GSTCD: variants seen among roughly 807,000 people sequenced by gnomAD.
The protein encoded by GSTCD is glutathione S-transferase C-terminal domain-containing protein.
GSTCD carries 44 observed loss-of-function variants against 68.3 expected under a neutral mutation model. The ratio of observed to expected loss-of-function variants is 0.64; its 90% CI spans 0.51 to 0.83. GSTCD has a LOEUF of 0.83. Ranked by LOEUF, GSTCD falls within the 40% of genes least tolerant of loss-of-function variation. The pLI is 0.00. For missense variants in GSTCD, 739 were observed against 735.9 expected (o/e 1.00, Z -0.05); for synonymous variants, 273 against 255.2 (o/e 1.07, Z -0.67).
chr4:105,711,256 AAAGT>A (rs1182958320), intron 1 of GSTCD, among the ~76,000 whole-genome samples: 32 of 148,534 alleles, frequency 2.2e-4, no homozygotes, highest in African/African-American at 8.2e-4. Flanking sequence ...ATCTTTAAGA[AAAGT>A]AAGTGTTTGT....
At chr4:105,722,401 T>C (rs1037692984) in intron 3 of GSTCD, among the ~76,000 whole-genome samples, 3 of 152,064 alleles carry the variant, frequency 2.0e-5, no homozygotes, top group Non-Finnish European at 2.9e-5. Flanking sequence ...CAAGAGCTTT[T>C]AGCTTTAACT....
intron 5 of GSTCD, among the ~76,000 whole-genome samples, chr4:105,767,726 T>C (rs1225981880): frequency 2.6e-5 from 4 of 152,074 alleles, no homozygotes; most frequent in Admixed American, 2.6e-4. Context: ...GTAGCCTGGG[T>C]GGTGGACTAG....
At chr4:105,830,598 G>A (rs555840178) in intron 8 of GSTCD, among the ~76,000 whole-genome samples, 1 of 152,220 alleles carries the variant, frequency 6.6e-6, no homozygotes, top group South Asian at 2.1e-4. Flanking sequence ...TAGGGCAAGA[G>A]CTGGGCAACA....
At chr4:105,727,037 T>G (rs1733061284) in intron 4 of GSTCD, among the ~76,000 whole-genome samples, 1 of 152,002 alleles carries the variant, frequency 6.6e-6, no homozygotes, top group Admixed American at 6.6e-5. Flanking sequence ...TATGTATTTT[T>G]GGAGCCAAGT....
intron 1 of GSTCD, among the ~76,000 whole-genome samples, chr4:105,711,316 A>G (rs1049691287): frequency 2.0e-5 from 3 of 152,238 alleles, no homozygotes; most frequent in African/African-American, 7.2e-5. Flanking sequence ...ATTTTGTACA[A>G]TAGGTTGATA....
intron 5 of GSTCD, among the ~76,000 whole-genome samples, chr4:105,733,331 T>A (rs1733325823): frequency 6.6e-6 from 1 of 152,190 alleles, no homozygotes; most frequent in Non-Finnish European, 1.5e-5. Flanking sequence ...CTAAGTCTCT[T>A]TGTAGGTCTC....
intron 5 of GSTCD, among the ~76,000 whole-genome samples, chr4:105,781,899 A>G (rs1735287641): frequency 1.3e-5 from 2 of 151,184 alleles, no homozygotes; most frequent in African/African-American, 4.9e-5. Context: ...CCATAGTGCT[A>G]TTTTCTAAGG....
chr4:105,825,678 T>G lies in GSTCD; in HGVS notation c.1408T>G (p.Leu470Val). ...TTTTCTGGGTAAAATCTAGGTTACA[T>G]TAATAGAAAACAAGGAATTATCATT... is the stretch of plus-strand genomic sequence containing the variant. ...AHMLPSCQVT[L>V]IENKELSLIR... The change falls in exon 8 of 12, where the codon TTA becomes GTA. Residue 470 changes from leucine (L) to valine (V), a missense_variant. Coordinates refer to ENST00000515279, the MANE Select transcript of GSTCD (RefSeq NM_001370181.1). The G allele has an allele frequency of 6.7e-7, 1 of 1,487,606 alleles. No individual in the cohort carries two copies. The highest frequency in any genetic ancestry group is 9.4e-7 in the Non-Finnish European group (1 of 1,068,740). 92.2% of individuals were successfully genotyped at this position (1,487,606 alleles called of 1,614,324 possible).
chr4:105,812,771 T>A (rs1722808311), intron 5 of GSTCD, among the ~76,000 whole-genome samples: 1 of 152,162 alleles, frequency 6.6e-6, no homozygotes, highest in Admixed American at 6.5e-5. Flanking sequence ...CATGCTGATT[T>A]TAGATTGAAA....
intron 5 of GSTCD, among the ~76,000 whole-genome samples, chr4:105,769,365 A>G (rs1734751903): frequency 6.6e-6 from 1 of 152,104 alleles, no homozygotes; most frequent in South Asian, 2.1e-4. Flanking sequence ...GTTTGCTGAT[A>G]AAGGAAGCAG....
chr4:105,744,283 T>G (rs1304218669), intron 5 of GSTCD, among the ~76,000 whole-genome samples: 2 of 152,254 alleles, frequency 1.3e-5, no homozygotes, highest in Non-Finnish European at 2.9e-5. Context: ...TATGTCAGAT[T>G]GCACACAGTG....
chr4:105,828,254 A>T (rs1723742911), intron 8 of GSTCD, among the ~76,000 whole-genome samples: 1 of 152,104 alleles, frequency 6.6e-6, no homozygotes, highest in Non-Finnish European at 1.5e-5. Flanking sequence ...ATTGTTTATC[A>T]CTCATAAGTG....
At chr4:105,794,288 A>G (rs1427465304) in intron 5 of GSTCD, among the ~76,000 whole-genome samples, 1 of 152,024 alleles carries the variant, frequency 6.6e-6, no homozygotes, top group African/African-American at 2.4e-5. Flanking sequence ...AGCACAGAGG[A>G]TATTTAGGGC....
chr4:105,819,154 G>A (rs937881131), intron 5 of GSTCD, among the ~76,000 whole-genome samples: 2 of 151,848 alleles, frequency 1.3e-5, no homozygotes, highest in South Asian at 2.1e-4. Context: ...ATCTGGCACT[G>A]TCTGCCTGTA....
In GSTCD at chr4:105,761,735, T is replaced by C. The variant is rs1734419040; in HGVS notation, c.1240+32236T>C. The C allele has an allele frequency of 2.0e-5, 3 of 152,202 alleles. No homozygotes were observed. The South Asian group carries it at 6.2e-4, about 32-fold the overall frequency. 9.4% of individuals were successfully genotyped at this position (152,202 alleles called of 1,614,324 possible). A position where few individuals can be genotyped will look rare whatever the true frequency, so the allele number is the denominator to read the frequency against. ...TCTGGGATGTAGTAATATAGGGATA[T>C]ACTATGGAAAGAAACTTAACAAAAA... On this transcript the variant is annotated intron_variant, in intron 5 of 11. Transcript: ENST00000515279.
At chr4:105,843,133 A>G (rs1724422458) in intron 11 of GSTCD, among the ~76,000 whole-genome samples, 1 of 152,194 alleles carries the variant, frequency 6.6e-6, no homozygotes, top group African/African-American at 2.4e-5. Flanking sequence ...ACATTCAGAG[A>G]CCAAGTCGTA....
At chr4:105,834,405 A>G in intron 8 of GSTCD, 56 bp from the exon 9 acceptor site, 4 of 1,570,782 alleles carry the variant, frequency 2.5e-6, no homozygotes, top group Non-Finnish European at 3.5e-6. Flanking sequence ...AAGGCATAAA[A>G]ATTGCACTGT....
chr4:105,801,616 T>C (rs1736108356), intron 5 of GSTCD, among the ~76,000 whole-genome samples: 1 of 152,078 alleles, frequency 6.6e-6, no homozygotes, highest in Non-Finnish European at 1.5e-5. Flanking sequence ...ATGACTTCTG[T>C]ATAAAGTTCA....
At chr4:105,730,120 A>G (rs556032772) in intron 5 of GSTCD, among the ~76,000 whole-genome samples, 43 of 152,302 alleles carry the variant, frequency 2.8e-4, no homozygotes, top group African/African-American at 1.0e-3. Context: ...TATGTGCCAC[A>G]TATTCTTAAT....
Sources: allele counts gnomAD v4.1 joint callset (sites outside exome capture counted in the v4.1 genomes callset), GRCh38; gene constraint gnomAD v4.1.1; transcripts MANE v1.5; gene names NCBI Gene and HGNC (gene_info 2026-07-23, HGNC 2026-07-21).